The following CMIP variants were observed in gnomAD, a reference collection of about 807,000 sequenced individuals.
CMIP encodes the protein c-Maf inducing protein.
Under a neutral mutation model 97.3 loss-of-function variants are expected in CMIP, and 13 were observed. That is an observed-to-expected ratio of 0.13 (90% CI 0.09 to 0.21). CMIP has a LOEUF of 0.21. Ranked by LOEUF, CMIP falls within the 10% of genes least tolerant of loss-of-function variation. CMIP has a pLI of 1.00. For synonymous variants in CMIP, 538 were observed against 436.3 expected (o/e 1.23, Z -2.91); for missense variants, 847 against 1,024.9 (o/e 0.83, Z 2.37).
chr16:81,552,053 A>G (rs2090669903), intron 1 of CMIP, among the ~76,000 whole-genome samples: 1 of 152,148 alleles, frequency 6.6e-6, no homozygotes, highest in Admixed American at 6.5e-5. Context: ...TGGGGAGCCC[A>G]GCGCTGGCAG....
At chr16:81,658,724 G>A (rs2151016794) in intron 5 of CMIP, among the ~76,000 whole-genome samples, 1 of 152,374 alleles carries the variant, frequency 6.6e-6, no homozygotes, top group Middle Eastern at 3.4e-3. Flanking sequence ...TGAGAAGCAG[G>A]CGGATGGGAG....
intron 7 of CMIP, chr16:81,665,576 A>C (rs570194035): frequency 6.6e-6 from 1 of 152,284 alleles, no homozygotes; most frequent in Admixed American, 6.5e-5. Flanking sequence ...ATTCCCAATC[A>C]CATGTTGTAC....
intron 1 of CMIP, among the ~76,000 whole-genome samples, chr16:81,561,793 A>G (rs974422029): frequency 6.6e-6 from 1 of 152,186 alleles, no homozygotes; most frequent in Non-Finnish European, 1.5e-5. Flanking sequence ...TAATTGAAGC[A>G]ATAAAGTTGA....
At chr16:81,630,108 T>A (rs2092134414) in intron 3 of CMIP, 2 of 152,268 alleles carry the variant, frequency 1.3e-5, no homozygotes, top group Admixed American at 1.3e-4. Context: ...ACCAGTTGCT[T>A]TCGTCTCTGG....
chr16:81,672,853 C>T (rs1393655338), intron 9 of CMIP, among the ~76,000 whole-genome samples: 1 of 152,232 alleles, frequency 6.6e-6, no homozygotes, highest in Non-Finnish European at 1.5e-5. Flanking sequence ...GCTGAGGTTA[C>T]AGGCATGAGC....
In CMIP at chr16:81,445,333, A is replaced by C; in HGVS notation, c.92A>C (p.Glu31Ala). 1 of 1,593,904 alleles carries C rather than the reference A, an allele frequency of 6.3e-7. No homozygotes were observed. The highest frequency in any genetic ancestry group is 8.5e-7 in the Non-Finnish European group (1 of 1,171,208). Residue 31 changes from glutamate to alanine, a missense_variant, in exon 1 of 21, where the codon GAA (glutamate) becomes GCA (alanine). Glu to Ala is a moderately radical substitution (Grantham distance 107). Around this residue, in one of 4 missense-constraint regions of CMIP, gnomAD observed 94 missense variants for 79.9 expected, o/e 1.18. Transcript: ENST00000537098. ...PLLGGDVSAP[E>A]GTKMGAVPCR... ...CTGGGGGGCGACGTGTCGGCCCCCG[A>C]AGGCACGAAGATGGGCGCCGTGCCC...
Position 81,652,653 on chromosome 16 carries a change from CA to C in CMIP, c.639+290del, listed in dbSNP as rs962551228. Among the ~76,000 whole-genome samples the C allele has an allele frequency of 4.3e-4, 66 of 152,318 alleles. 1 individual carries two copies. Among genetic ancestry groups the C allele is most frequent in the Admixed American group, 4.2e-3 (65 of 15,302 alleles). Reference sequence around the variant, plus strand: ...CATCCCCATCTCTGTCTTCCCCTAGCAGTGGCCCACATGAGCTCCAGGGGTC... The same window carrying C: ...CATCCCCATCTCTGTCTTCCCCTAGCGTGGCCCACATGAGCTCCAGGGGTC... On this transcript the variant is annotated intron_variant, in intron 4 of 20. Transcript: ENST00000537098. The surrounding 1 kb of genome is among the most constrained non-coding windows in gnomAD (Gnocchi z 5.2).
At chr16:81,479,204 C>A (rs1016153914) in intron 1 of CMIP, among the ~76,000 whole-genome samples, 29 of 152,076 alleles carry the variant, frequency 1.9e-4, no homozygotes, top group African/African-American at 7.0e-4. Context: ...GTAAAGAGGG[C>A]GGTCAGCTAC....
intron 1 of CMIP, among the ~76,000 whole-genome samples, chr16:81,516,995 C>T (rs1597495452): frequency 6.6e-6 from 1 of 151,366 alleles, no homozygotes; most frequent in Non-Finnish European, 1.5e-5. Flanking sequence ...CCTCCAAGGT[C>T]ATCAGTGAAA....
At chr16:81,505,094 T>A (rs905519883) in intron 1 of CMIP, among the ~76,000 whole-genome samples, 1 of 152,204 alleles carries the variant, frequency 6.6e-6, no homozygotes, top group Non-Finnish European at 1.5e-5. Flanking sequence ...TCGGGAGCCT[T>A]GCTCATCTGA....
chr16:81,446,694 C>T (rs1905866401), intron 1 of CMIP, among the ~76,000 whole-genome samples: 2 of 152,150 alleles, frequency 1.3e-5, no homozygotes, highest in African/African-American at 4.8e-5. Context: ...AATAGGGTGT[C>T]GCTTACATGG....
chr16:81,580,967 A>G (rs1051613592), intron 1 of CMIP, among the ~76,000 whole-genome samples: 2 of 147,178 alleles, frequency 1.4e-5, no homozygotes, highest in East Asian at 3.9e-4. Context: ...ACAGCCATCA[A>G]TTTCTGTCTT....
chr16:81,603,419 A>G (rs1483229945), intron 1 of CMIP: 4 of 454,308 alleles, frequency 8.8e-6, no homozygotes, highest in Non-Finnish European at 1.3e-5. Flanking sequence ...CTTTTAGGAC[A>G]GTTTGAGATG....
At chr16:81,538,941 A>T (rs558090171) in intron 1 of CMIP, among the ~76,000 whole-genome samples, 1 of 152,272 alleles carries the variant, frequency 6.6e-6, no homozygotes, top group East Asian at 1.9e-4. Context: ...TGGAAACCTG[A>T]TCTACTAAGG....
In CMIP at chr16:81,445,145, T is replaced by TG. The variant is rs893817916; in HGVS notation, c.-90dup. On this transcript the variant is annotated 5_prime_UTR_variant, in exon 1 of 21. Transcript: ENST00000537098. ...CACACCCCCCCACCTTCCCGGGGGG[T>TG]GGGGGGGTGCGGGCCGCCGGATCCG... 1.5e-5 allele frequency: 9 copies of TG among 612,498 alleles called. No homozygotes were observed. The highest frequency in any genetic ancestry group is 7.3e-5 in the East Asian group (2 of 27,258). 37.9% of individuals were successfully genotyped at this position (612,498 alleles called of 1,614,324 possible). A position where few individuals can be genotyped will look rare whatever the true frequency, so the allele number is the denominator to read the frequency against.
At chr16:81,695,290 G>A (rs1906584727) in intron 13 of CMIP, 1 of 152,134 alleles carries the variant, frequency 6.6e-6, no homozygotes, top group Non-Finnish European at 1.5e-5. Flanking sequence ...CCTAAATGAA[G>A]CCAAAGTTGT....
intron 1 of CMIP, among the ~76,000 whole-genome samples, chr16:81,604,526 C>T (rs930583218): frequency 7.2e-5 from 11 of 151,868 alleles, no homozygotes; most frequent in African/African-American, 2.7e-4. Flanking sequence ...GGTGAAACCC[C>T]ATCTCTACTA....
At chr16:81,584,704 G>A (rs1404200245) in intron 1 of CMIP, among the ~76,000 whole-genome samples, 1 of 152,162 alleles carries the variant, frequency 6.6e-6, no homozygotes, top group Non-Finnish European at 1.5e-5. Context: ...TCCATCATCC[G>A]AATTATCAAC....
At chr16:81,623,332 A>G (rs1457619498) in intron 3 of CMIP, among the ~76,000 whole-genome samples, 1 of 152,340 alleles carries the variant, frequency 6.6e-6, no homozygotes, top group East Asian at 1.9e-4. Flanking sequence ...TTATGGTGGC[A>G]TCCGGTTTAT....
Sources: gnomAD v4.1 joint callset for allele counts (sites outside exome capture counted in the v4.1 genomes callset) on GRCh38, gnomAD v4.1.1 for gene constraint, gnomAD v4.1.1 regional missense constraint, Gnocchi (gnomAD v3.1) non-coding constraint, MANE v1.5 for transcripts, NCBI Gene and HGNC (gene_info 2026-07-23, HGNC 2026-07-21) for gene names.